The following SFSWAP variants were observed in gnomAD, a reference collection of about 807,000 sequenced individuals.
SFSWAP encodes the protein splicing factor SWAP, also known as splicing factor, suppressor of white-apricot homolog.
A neutral mutation model predicts 100.7 loss-of-function variants in SFSWAP; 17 were observed. That is an observed-to-expected ratio of 0.17 (90% CI 0.12 to 0.25). The LOEUF is 0.25. Ranked by LOEUF, SFSWAP falls within the 10% of genes least tolerant of loss-of-function variation. SFSWAP has a pLI of 1.00. For missense variants in SFSWAP, 1,005 were observed against 1,262.6 expected, an observed-to-expected ratio of 0.80 and a Z score of 3.09; for synonymous variants, 504 against 510.1, an observed-to-expected ratio of 0.99 and a Z score of 0.16.
chr12:131,791,147 C>T (rs774090411), intron 15 of SFSWAP, among the ~76,000 whole-genome samples: 3 of 152,220 alleles, frequency 2.0e-5, no homozygotes, highest in Non-Finnish European at 4.4e-5. Context: ...AATCTCAGCA[C>T]TTCAGGAGGC....
intron 4 of SFSWAP, among the ~76,000 whole-genome samples, chr12:131,724,058 A>G (rs761499334): frequency 5.3e-5 from 8 of 152,220 alleles, no homozygotes; most frequent in Non-Finnish European, 1.0e-4. Context: ...CAAACCAGAT[A>G]CTTTTTAATC....
At position 131,734,899 on chromosome 12, in the gene SFSWAP, G is replaced by A. The variant is rs1453042261; in HGVS notation, c.1081+6471G>A. Among the ~76,000 whole-genome samples the A allele has an allele frequency of 2.0e-5, 3 of 149,388 alleles. No individual in the cohort carries two copies. The highest frequency in any genetic ancestry group is 2.2e-4 in the South Asian group (1 of 4,592). ...CAGATACCATCTCAGCCGGCATGGC[G>A]CATGGGGGTGGGGTGGGGCAGTGAG... On this transcript the variant is annotated intron_variant, in intron 7 of 17. Coordinates refer to ENST00000261674, the MANE Select transcript of SFSWAP (RefSeq NM_004592.4). The surrounding 1 kb of genome is among the most constrained non-coding windows in gnomAD (Gnocchi z 4.9).
chr12:131,737,699 A>G (rs1309273608), intron 7 of SFSWAP, among the ~76,000 whole-genome samples: 2 of 152,114 alleles, frequency 1.3e-5, no homozygotes, highest in East Asian at 1.9e-4. Context: ...ACCTTAGGAT[A>G]TACTCAGTCG....
At position 131,764,790 on chromosome 12, in the gene SFSWAP, C is replaced by A. The variant is rs1882973117; in HGVS notation, c.1951+104C>A. ...CGAGGCTGCCAACTAGAATCTGAAGCCTTTGGAAATCGACCTATTTGGGAG... is the reference window on the plus strand; with the variant it reads ...CGAGGCTGCCAACTAGAATCTGAAGACTTTGGAAATCGACCTATTTGGGAG... On this transcript the variant is annotated intron_variant, in intron 12 of 17. Coordinates refer to ENST00000261674, the MANE Select transcript of SFSWAP (RefSeq NM_004592.4). The A allele has an allele frequency of 1.3e-5, 10 of 798,952 alleles. No individual in the cohort carries two copies. The East Asian group carries it at 1.9e-4, about 15-fold the overall frequency. The allele number at this position is 798,952 out of a possible 1,614,324, so 49.5% of individuals were successfully genotyped here.
chr12:131,714,674 AGT>A lies in SFSWAP; in HGVS notation c.389-144_389-143del. 1.5e-6 allele frequency: 1 copy of A among 673,654 alleles called. No individual in the cohort carries two copies. Among genetic ancestry groups the A allele is most frequent in the Non-Finnish European group, 2.5e-6 (1 of 400,806 alleles). The allele number at this position is 673,654 out of a possible 1,614,324, so 41.7% of individuals were successfully genotyped here. On this transcript the variant is annotated intron_variant, in intron 2 of 17. Transcript: ENST00000261674. This position sits in a 1 kb window ranked among gnomAD's most constrained non-coding sequence, Gnocchi z 6.0. The stretch of plus-strand genomic sequence containing the variant: ...CAAAAGTACATAATGATAGATATAA[AGT>A]GTGAATTTTTAAAACTATTTTACCT...
intron 14 of SFSWAP, chr12:131,784,832 C>T (rs1884774241): frequency 5.7e-6 from 2 of 352,254 alleles, no homozygotes; most frequent in Non-Finnish European, 1.0e-5. Flanking sequence ...CAGCCACTTC[C>T]CTTTAAAGAA....
chr12:131,761,019 C>T (rs1051728707), intron 11 of SFSWAP, among the ~76,000 whole-genome samples: 2 of 152,266 alleles, frequency 1.3e-5, no homozygotes, highest in East Asian at 3.9e-4. Flanking sequence ...TTGCAGTGAG[C>T]CTAGATCGCG....
chr12:131,784,130 A>G (rs1234285036), intron 14 of SFSWAP: 1 of 152,094 alleles, frequency 6.6e-6, no homozygotes, highest in Non-Finnish European at 1.5e-5. Flanking sequence ...ATCCCTTGCA[A>G]AGTGAATCAA....
At position 131,778,246 on chromosome 12, in the gene SFSWAP, A is replaced by T; in HGVS notation, c.2324A>T (p.His775Leu). 12 of 1,614,210 alleles carry T rather than the reference A, an allele frequency of 7.4e-6. No homozygotes were observed. Among genetic ancestry groups the T allele is most frequent in the Non-Finnish European group, 1.0e-5 (12 of 1,180,032 alleles). Residue 775 changes from histidine (H) to leucine (L), a missense_variant, in exon 14 of 18, where the codon CAT becomes CTT. Coordinates refer to ENST00000261674, the MANE Select transcript of SFSWAP (RefSeq NM_004592.4). This position sits in a 1 kb window ranked among gnomAD's most constrained non-coding sequence, Gnocchi z 4.2. ...ACAAGATCACGTTCTCCCAAGTACC[A>T]TTCGTCATCCAAGTCCAGGTCTAGA... ...SRTRSRSPKY[H>L]SSSKSRSRSH...
rs1321723599 is a variant in SFSWAP, at chr12:131,725,319, A to G, written c.607-86A>G. On this transcript the variant is annotated intron_variant, in intron 4 of 17. Coordinates refer to ENST00000261674, the MANE Select transcript of SFSWAP (RefSeq NM_004592.4). This position sits in a 1 kb window ranked among gnomAD's most constrained non-coding sequence, Gnocchi z 4.3. ...ATCTCTTAAAATTGACAGTAAAACC[A>G]GAGTCATTTCTATGTTTTAATGAAA... The G allele has an allele frequency of 2.1e-5, 24 of 1,128,068 alleles. No homozygotes were observed. Among genetic ancestry groups the G allele is most frequent in the South Asian group, 5.1e-5 (4 of 78,648 alleles). 69.9% of individuals were successfully genotyped at this position (1,128,068 alleles called of 1,614,324 possible).
chr12:131,748,983 TA>T (rs1350908555), intron 7 of SFSWAP, among the ~76,000 whole-genome samples: 1 of 152,216 alleles, frequency 6.6e-6, no homozygotes, highest in East Asian at 1.9e-4. Context: ...CCTAACAAGA[TA>T]TATGTGGTCC....
chr12:131,754,624 TGTC>T (rs368291317), intron 9 of SFSWAP, 125 bp downstream of exon 9: 13 of 355,350 alleles, frequency 3.7e-5, no homozygotes, highest in East Asian at 7.1e-5. Context: ...TTGGCTCAAA[TGTC>T]TTTTTTTTTT....
At chr12:131,755,852 C>T (rs1242519376) in intron 10 of SFSWAP, among the ~76,000 whole-genome samples, 4 of 152,238 alleles carry the variant, frequency 2.6e-5, no homozygotes, top group Non-Finnish European at 5.9e-5. Flanking sequence ...TATAAGTGGG[C>T]GCCTCATGCC....
intron 5 of SFSWAP, 148 bp from the exon 6 acceptor site, chr12:131,726,792 A>G (rs1879023213): frequency 1.7e-6 from 1 of 600,912 alleles, no homozygotes; most frequent in South Asian, 2.1e-5. Flanking sequence ...TCTTCTGGAC[A>G]ACTTGGGTGA....
chr12:131,747,395 G>T (rs951205166), intron 7 of SFSWAP, among the ~76,000 whole-genome samples: 9 of 152,204 alleles, frequency 5.9e-5, no homozygotes, highest in Non-Finnish European at 8.8e-5. Context: ...CAGAGGAAGT[G>T]CAGGTGAGCC....
intron 7 of SFSWAP, among the ~76,000 whole-genome samples, chr12:131,751,641 G>A (rs1593147515): frequency 2.0e-5 from 3 of 152,396 alleles, no homozygotes; most frequent in South Asian, 4.1e-4. Flanking sequence ...AGAAGCACAT[G>A]CTTATATTCG....
chr12:131,722,948 C>CA (rs951733904), intron 4 of SFSWAP, among the ~76,000 whole-genome samples: 16 of 151,878 alleles, frequency 1.1e-4, no homozygotes, highest in African/African-American at 3.6e-4. Context: ...GATCCTGTCT[C>CA]AAAAAAATAA....
In SFSWAP at chr12:131,728,395, G is replaced by T. The variant is rs1178922599; in HGVS notation, c.1048G>T (p.Val350Leu). ...PTPHNADGAP[V>L]QPSQVEYTAD... is the part of the protein sequence containing the mutation. ...CCCACACAACGCAGACGGTGCGCCT[G>T]TGCAGCCCTCCCAGGTGGAGTACAC... The change falls in exon 7 of 18, where the codon GTG (valine) becomes TTG (leucine). Residue 350 changes from valine (V) to leucine (L), a missense_variant. Physicochemically the swap from Val to Leu is conservative, Grantham distance 32 (BLOSUM62 1). This residue lies in a region of SFSWAP where 311 missense variants were observed against 317.8 expected (regional missense o/e 0.98). Coordinates refer to ENST00000261674, the MANE Select transcript of SFSWAP (RefSeq NM_004592.4). The T allele has an allele frequency of 1.2e-6, 2 of 1,614,124 alleles. No homozygotes were observed. Among genetic ancestry groups the T allele is most frequent in the Non-Finnish European group, 8.5e-7 (1 of 1,180,060 alleles).
At chr12:131,742,416 CT>C (rs993256905) in intron 7 of SFSWAP, among the ~76,000 whole-genome samples, 7 of 149,522 alleles carry the variant, frequency 4.7e-5, no homozygotes, top group South Asian at 2.1e-4. Context: ...TAGAGACAGG[CT>C]TTTTTTTTTC....
Sources: allele counts gnomAD v4.1 joint callset (sites outside exome capture counted in the v4.1 genomes callset), GRCh38; gene constraint gnomAD v4.1.1; regional missense constraint gnomAD v4.1.1; non-coding constraint Gnocchi (gnomAD v3.1); transcripts MANE v1.5; gene names NCBI Gene and HGNC (gene_info 2026-07-23, HGNC 2026-07-21).